The following TCF3 variants were observed in gnomAD, a reference collection of about 807,000 sequenced individuals.
The protein encoded by TCF3 is transcription factor E2-alpha.
In TCF3, 54 loss-of-function variants were observed where a neutral mutation model predicts 72.3. The ratio of observed to expected loss-of-function variants is 0.75; its 90% confidence interval spans 0.60 to 0.94. TCF3 has a LOEUF of 0.94. Among genes scored for constraint, TCF3 ranks in the 40% least tolerant of loss-of-function variants. TCF3 has a pLI of 0.00. For missense variants in TCF3, 1,078 were observed against 934.4 expected (o/e 1.15, Z -2.00); for synonymous variants, 525 against 412.6 (o/e 1.27, Z -3.30).
intron 18 of TCF3, chr19:1,612,462 G>C: frequency 6.3e-7 from 1 of 1,576,892 alleles, no homozygotes; most frequent in Non-Finnish European, 8.7e-7. Context: ...GCCTCTGTTA[G>C]TGATGCGCCA....
chr19:1,651,729 G>A (rs1408852058), intron 1 of TCF3, among the ~76,000 whole-genome samples: 1 of 151,920 alleles, frequency 6.6e-6, no homozygotes, highest in South Asian at 2.1e-4. Flanking sequence ...GTGCGGCCCG[G>A]GAGCCTTTGA....
intron 11 of TCF3, 150 bp from the exon 12 acceptor site, chr19:1,621,341 AC>A: frequency 1.0e-6 from 1 of 981,748 alleles, no homozygotes; most frequent in Non-Finnish European, 1.5e-6. Context: ...ACCCCCTGAA[AC>A]CAGCCTCTGC....
chr19:1,613,065 C>T (rs1456500910), intron 18 of TCF3, among the ~76,000 whole-genome samples: 3 of 151,046 alleles, frequency 2.0e-5, no homozygotes, highest in African/African-American at 7.3e-5. Flanking sequence ...TCGGGCACAG[C>T]AATGCAGGTA....
Position 1,627,347 on chromosome 19 carries a change from CGAGCCCCTCACCT to C in TCF3, c.365_366+11del. 6.2e-7 allele frequency: 1 copy of C among 1,605,632 alleles called. No homozygotes were observed. Among genetic ancestry groups the C allele is most frequent in the Admixed American group, 1.7e-5 (1 of 59,334 alleles). On this transcript the variant is annotated splice_donor_variant and splice_donor_5th_base_variant and coding_sequence_variant and intron_variant, in exon 6 of 19. Coordinates refer to ENST00000262965, the MANE Select transcript of TCF3 (RefSeq NM_003200.5). LOFTEE classifies it high-confidence loss of function. Reference sequence around the variant, plus strand: ...AATCAAAATACACCCCAGCCCGGCCCGAGCCCCTCACCTGAGTCAGGCCGCCCACGCCTGCGTC... The same window carrying C: ...AATCAAAATACACCCCAGCCCGGCCCGAGTCAGGCCGCCCACGCCTGCGTC...
intron 16 of TCF3, chr19:1,616,442 C>T: frequency 6.6e-6 from 1 of 151,670 alleles, no homozygotes; most frequent in Non-Finnish European, 1.5e-5. Flanking sequence ...CCACTGTACT[C>T]CAGCCTGGGT....
At chr19:1,623,830 C>A in intron 8 of TCF3, 121 bp downstream of exon 8, 2 of 993,814 alleles carry the variant, frequency 2.0e-6, no homozygotes, top group Non-Finnish European at 2.9e-6. Flanking sequence ...GCTCAGAAAT[C>A]ACAGGGGGCC....
chr19:1,627,151 A>C (rs1214337644), intron 6 of TCF3, among the ~76,000 whole-genome samples: 1 of 152,072 alleles, frequency 6.6e-6, no homozygotes. Context: ...GCAGCCCTGC[A>C]GGCCTTGGCC....
rs773006419 is a variant in TCF3 at position 1,615,679 on chromosome 19, T to A, written c.1586+7A>T. 1 of 1,612,650 alleles carries A rather than the reference T, an allele frequency of 6.2e-7. No individual in the cohort carries two copies. Among genetic ancestry groups the A allele is most frequent in the Non-Finnish European group, 8.5e-7 (1 of 1,179,486 alleles). ...AGGGTGGGGAGTGCCGAGGGGTGGG[T>A]TGGCACCTGGTCCGGGCCCGGGGGG... On this transcript the variant is annotated splice_region_variant and intron_variant, in intron 17 of 18. Coordinates refer to ENST00000262965, the MANE Select transcript of TCF3 (RefSeq NM_003200.5). The surrounding 1 kb of genome is among the most constrained non-coding windows in gnomAD (Gnocchi z 7.3).
chr19:1,634,255 G>T (rs568688044), intron 3 of TCF3, among the ~76,000 whole-genome samples: 1 of 152,220 alleles, frequency 6.6e-6, no homozygotes, highest in African/African-American at 2.4e-5. Flanking sequence ...AACCCACCAT[G>T]AATATTCATA....
chr19:1,625,127 G>C (rs1167714984), intron 7 of TCF3, among the ~76,000 whole-genome samples: 4 of 152,258 alleles, frequency 2.6e-5, no homozygotes, highest in African/African-American at 9.6e-5. Context: ...GACCCCAGGT[G>C]AGTGCCGCCA....
intron 3 of TCF3, among the ~76,000 whole-genome samples, chr19:1,635,063 C>A (rs1046702308): frequency 6.6e-6 from 1 of 152,220 alleles, no homozygotes; most frequent in African/African-American, 2.4e-5. Context: ...GGTTACCATG[C>A]CGGGCAGGCA....
At chr19:1,617,706 G>A (rs2061695558) in intron 16 of TCF3, among the ~76,000 whole-genome samples, 1 of 152,242 alleles carries the variant, frequency 6.6e-6, no homozygotes, top group African/African-American at 2.4e-5. Flanking sequence ...GGACAGGAAG[G>A]AAACAGAGGG....
intron 3 of TCF3, among the ~76,000 whole-genome samples, chr19:1,642,420 G>A (rs555256344): frequency 6.6e-6 from 1 of 152,320 alleles, no homozygotes; most frequent in South Asian, 2.1e-4. Flanking sequence ...ACGGGTGGGC[G>A]GGACGGTACC....
Position 1,611,030 on chromosome 19 carries a change from A to G in TCF3, c.*677T>C, listed in dbSNP as rs2060947844. The G allele has an allele frequency of 4.4e-6, 1 of 228,484 alleles. No individual in the cohort carries two copies. The highest frequency in any genetic ancestry group is 8.7e-6 in the Non-Finnish European group (1 of 115,290). The allele number at this position is 228,484 out of a possible 1,614,324, so 14.2% of individuals were successfully genotyped here. On this transcript the variant is annotated 3_prime_UTR_variant, in exon 19 of 19. Transcript: ENST00000262965. Reference sequence around the variant, plus strand: ...ATGCAATGCTCAGTCTAGGAACAGCAGCAGAAATAGCGAGAGACACGGGAC... The same window carrying G: ...ATGCAATGCTCAGTCTAGGAACAGCGGCAGAAATAGCGAGAGACACGGGAC...
intron 18 of TCF3, among the ~76,000 whole-genome samples, chr19:1,613,638 T>G (rs987189084): frequency 1.3e-5 from 2 of 151,872 alleles, no homozygotes; most frequent in Admixed American, 6.6e-5. Context: ...CCTGGGCCAC[T>G]CCAAAAACCC....
chr19:1,621,453 G>A (rs1402556613), intron 11 of TCF3, among the ~76,000 whole-genome samples: 7 of 151,746 alleles, frequency 4.6e-5, no homozygotes, highest in African/African-American at 1.5e-4. Flanking sequence ...GCCTGGATGG[G>A]TGAGTCCCTC....
At chr19:1,642,146 A>G (rs1377637529) in intron 3 of TCF3, among the ~76,000 whole-genome samples, 2 of 150,544 alleles carry the variant, frequency 1.3e-5, no homozygotes, top group African/African-American at 4.9e-5. Context: ...ACACACACAC[A>G]CACACACACA....
intron 3 of TCF3, among the ~76,000 whole-genome samples, chr19:1,638,350 G>A (rs1031067228): frequency 6.6e-6 from 1 of 152,176 alleles, no homozygotes; most frequent in Non-Finnish European, 1.5e-5. Flanking sequence ...ATTATGAACA[G>A]ATACAATGTT....
chr19:1,624,610 C>T (rs890651417), intron 7 of TCF3, among the ~76,000 whole-genome samples: 7 of 152,188 alleles, frequency 4.6e-5, no homozygotes, highest in African/African-American at 1.7e-4. Flanking sequence ...CAGGCTTCAC[C>T]ACTAGGGGCT....
Sources: allele counts gnomAD v4.1 joint callset (sites outside exome capture counted in the v4.1 genomes callset), GRCh38; gene constraint gnomAD v4.1.1; non-coding constraint Gnocchi (gnomAD v3.1); transcripts MANE v1.5; gene names NCBI Gene and HGNC (gene_info 2026-07-23, HGNC 2026-07-21).